AUTS2: variants seen among roughly 807,000 people sequenced by gnomAD.
AUTS2 encodes the protein autism susceptibility gene 2 protein.
A neutral mutation model predicts 112.4 loss-of-function variants in AUTS2; 17 were observed. The observed-to-expected ratio is 0.15, with a 90% confidence interval of 0.10 to 0.23. The LOEUF (loss-of-function observed/expected upper bound fraction) is 0.23. Among genes scored for constraint, AUTS2 ranks in the 10% least tolerant of loss-of-function variants. The pLI is 1.00. For missense variants in AUTS2, 1,510 were observed against 1,701.6 expected (o/e 0.89, Z 1.98); for synonymous variants, 751 against 702.7 (o/e 1.07, Z -1.09).
At chr7:70,143,315 G>A (rs1388105174) in intron 4 of AUTS2, among the ~76,000 whole-genome samples, 1 of 152,166 alleles carries the variant, frequency 6.6e-6, no homozygotes, top group East Asian at 1.9e-4. Flanking sequence ...CATTTAAAAT[G>A]TGTTTTGCTC....
At chr7:70,287,974 G>T (rs1788541329) in intron 4 of AUTS2, among the ~76,000 whole-genome samples, 1 of 152,144 alleles carries the variant, frequency 6.6e-6, no homozygotes, top group Non-Finnish European at 1.5e-5. Context: ...GTGTTGATTA[G>T]ATTCTGGCTA....
chr7:69,673,594 C>G (rs1188966784), intron 1 of AUTS2, among the ~76,000 whole-genome samples: 2 of 152,198 alleles, frequency 1.3e-5, no homozygotes, highest in Non-Finnish European at 2.9e-5. Flanking sequence ...TTGCTTGTAA[C>G]AAGAGGGAAG....
At chr7:70,170,961 T>A (rs1808651734) in intron 4 of AUTS2, among the ~76,000 whole-genome samples, 1 of 152,106 alleles carries the variant, frequency 6.6e-6, no homozygotes, top group Non-Finnish European at 1.5e-5. Context: ...GTTGAATAGA[T>A]CTAAATGACT....
intron 2 of AUTS2, among the ~76,000 whole-genome samples, chr7:69,909,610 C>G (rs1224643636): frequency 6.6e-6 from 1 of 152,076 alleles, no homozygotes; most frequent in Non-Finnish European, 1.5e-5. Context: ...TTCTTCATTA[C>G]CAGCAAAGCT....
intron 5 of AUTS2, among the ~76,000 whole-genome samples, chr7:70,665,433 A>G (rs1164531375): frequency 6.9e-6 from 1 of 144,904 alleles, no homozygotes; most frequent in Admixed American, 7.2e-5. Flanking sequence ...CCAGCTGTTT[A>G]TTTATTTATC....
chr7:70,688,122 T>C (rs1323907019), intron 5 of AUTS2, among the ~76,000 whole-genome samples: 1 of 152,200 alleles, frequency 6.6e-6, no homozygotes, highest in East Asian at 1.9e-4. Context: ...TCAGTAGCTG[T>C]TGTCTGCCCT....
At position 70,619,133 on chromosome 7, in the gene AUTS2, C is replaced by A. The variant is rs79716317; in HGVS notation, c.691-79436C>A. 3.2e-3 allele frequency among the ~76,000 whole-genome samples: 494 copies of A among 152,272 alleles called. 10 individuals are homozygous for A. The East Asian group carries it at 0.048, about 15-fold the overall frequency. Reference sequence around the variant, plus strand: ...TCTCCCTTTCCAGCAGACCTTCCCCCCCTCCCCATCCCCTTGCCGGACTTG... The same window carrying A: ...TCTCCCTTTCCAGCAGACCTTCCCCACCTCCCCATCCCCTTGCCGGACTTG... On this transcript the variant is annotated intron_variant, in intron 5 of 18. Coordinates refer to ENST00000342771, the MANE Select transcript of AUTS2 (RefSeq NM_015570.4).
intron 1 of AUTS2, among the ~76,000 whole-genome samples, chr7:69,898,390 T>G (rs1414853536): frequency 1.3e-5 from 2 of 152,174 alleles, no homozygotes; most frequent in African/African-American, 4.8e-5. Flanking sequence ...GATATTTGCA[T>G]GTATGTGGTT....
intron 2 of AUTS2, among the ~76,000 whole-genome samples, chr7:70,078,280 A>T (rs909778782): frequency 6.6e-6 from 1 of 152,158 alleles, no homozygotes; most frequent in Non-Finnish European, 1.5e-5. Context: ...GGCAGGTAGC[A>T]TATACACCAT....
chr7:70,496,639 A>G (rs1363649968), intron 5 of AUTS2, among the ~76,000 whole-genome samples: 1 of 117,664 alleles, frequency 8.5e-6, no homozygotes, highest in Non-Finnish European at 1.8e-5. Context: ...ACACACACAC[A>G]CCCCACACAT....
intron 1 of AUTS2, among the ~76,000 whole-genome samples, chr7:69,755,882 G>A (rs764328510): frequency 1.3e-5 from 2 of 152,138 alleles, no homozygotes; most frequent in Non-Finnish European, 1.5e-5. Flanking sequence ...GAAGGCCATG[G>A]ACTGAAAAGA....
intron 5 of AUTS2, among the ~76,000 whole-genome samples, chr7:70,644,709 C>T (rs529655474): frequency 2.6e-5 from 4 of 152,296 alleles, no homozygotes; most frequent in African/African-American, 9.6e-5. Context: ...TCCACCTCCT[C>T]CATGAAGCCT....
At chr7:70,135,706 G>A (rs779203354) in intron 4 of AUTS2, among the ~76,000 whole-genome samples, 37 of 152,030 alleles carry the variant, frequency 2.4e-4, no homozygotes, top group Admixed American at 3.9e-4. Flanking sequence ...GGATGATTTG[G>A]ACCTGCTTAA....
intron 6 of AUTS2, among the ~76,000 whole-genome samples, chr7:70,721,589 C>A (rs1786683031): frequency 6.6e-6 from 1 of 152,110 alleles, no homozygotes; most frequent in African/African-American, 2.4e-5. Flanking sequence ...TATTTGAGTG[C>A]CTACCTGACA....
At chr7:69,634,314 GT>G (rs1391918247) in intron 1 of AUTS2, among the ~76,000 whole-genome samples, 1 of 151,810 alleles carries the variant, frequency 6.6e-6, no homozygotes, top group African/African-American at 2.4e-5. Flanking sequence ...TAGAGACAGG[GT>G]TTCACCGTGT....
chr7:70,494,449 ATGCCAGAATGTAAG>A (rs1239060889), intron 5 of AUTS2, among the ~76,000 whole-genome samples: 2 of 152,168 alleles, frequency 1.3e-5, no homozygotes, highest in Admixed American at 1.3e-4. Context: ...GGCGAGGAAA[ATGCCAGAATGTAAG>A]TGCTTTAGAG....
intron 1 of AUTS2, among the ~76,000 whole-genome samples, chr7:69,828,546 C>G (rs1429346096): frequency 6.6e-6 from 1 of 152,164 alleles, no homozygotes; most frequent in Non-Finnish European, 1.5e-5. Flanking sequence ...CACGTTTTAA[C>G]TATTTTGGCT....
chr7:69,698,452 TA>T (rs543767370), intron 1 of AUTS2, among the ~76,000 whole-genome samples: 148 of 152,318 alleles, frequency 9.7e-4, no homozygotes, highest in Non-Finnish European at 1.9e-3. Context: ...AAAGGGTTTT[TA>T]AAAAGTACTT....
chr7:69,601,992 G>C (rs1792432604), intron 1 of AUTS2, among the ~76,000 whole-genome samples: 1 of 149,984 alleles, frequency 6.7e-6, no homozygotes, highest in Non-Finnish European at 1.5e-5. Context: ...AACATTTTTG[G>C]AGGACAAGTA....
Sources: gnomAD v4.1 joint callset for allele counts (sites outside exome capture counted in the v4.1 genomes callset) on GRCh38, gnomAD v4.1.1 for gene constraint, MANE v1.5 for transcripts, NCBI Gene and HGNC (gene_info 2026-07-23, HGNC 2026-07-21) for gene names.